The following ALX1 variants were observed in gnomAD, a reference collection of about 807,000 sequenced individuals.
The protein encoded by ALX1 is ALX homeobox protein 1.
A neutral mutation model predicts 31.7 loss-of-function variants in ALX1; 19 were observed. The ratio of observed to expected loss-of-function variants is 0.60; its 90% CI spans 0.42 to 0.88. ALX1 has a LOEUF of 0.88. ALX1 is among the 40% of genes least tolerant of loss of function. The pLI, the probability that ALX1 is intolerant of heterozygous loss-of-function variation, is 0.00. For synonymous variants in ALX1, 153 were observed against 148.8 expected (o/e 1.03, Z -0.20); for missense variants, 415 against 407.8 (o/e 1.02, Z -0.15).
chr12:85,289,068 T>C (rs1896784337), intron 3 of ALX1, among the ~76,000 whole-genome samples: 1 of 151,406 alleles, frequency 6.6e-6, no homozygotes, highest in South Asian at 2.1e-4. Flanking sequence ...TTTTTGTGCA[T>C]TTTATTCTTT....
intron 3 of ALX1, among the ~76,000 whole-genome samples, chr12:85,297,045 T>G (rs1337276403): frequency 6.6e-6 from 1 of 151,728 alleles, no homozygotes; most frequent in Non-Finnish European, 1.5e-5. Flanking sequence ...GCACATGGAT[T>G]TATACTTTCC....
rs192212930 is a variant in ALX1, at chr12:85,288,412, G to T, written c.660+1431G>T. On this transcript the variant is annotated intron_variant, in intron 3 of 3. Transcript: ENST00000316824. ...TTTAAAGCATGAGGCTACCTCTGGT[G>T]GTTACTTACCATCATAGGGCTAGTC... Among the ~76,000 whole-genome samples the T allele has an allele frequency of 2.6e-5, 4 of 151,606 alleles. No homozygotes were observed. In the East Asian group the frequency reaches 7.8e-4, roughly 29 times the overall value.
chr12:85,291,038 T>C (rs1179232738), intron 3 of ALX1, among the ~76,000 whole-genome samples: 1 of 151,230 alleles, frequency 6.6e-6, no homozygotes, highest in Non-Finnish European at 1.5e-5. Flanking sequence ...CACTTCAATA[T>C]ATTAATATAT....
At chr12:85,297,746 T>G (rs928165085) in intron 3 of ALX1, among the ~76,000 whole-genome samples, 1 of 151,636 alleles carries the variant, frequency 6.6e-6, no homozygotes, top group Non-Finnish European at 1.5e-5. Context: ...CCATACTAAA[T>G]GAATCAGAGT....
intron 3 of ALX1, among the ~76,000 whole-genome samples, chr12:85,298,039 C>G (rs1896912090): frequency 6.6e-6 from 1 of 151,616 alleles, no homozygotes; most frequent in Admixed American, 6.6e-5. Flanking sequence ...CACATTAGAC[C>G]TGAGGATGAC....
chr12:85,300,014 T>C (rs2137395171), intron 3 of ALX1, among the ~76,000 whole-genome samples: 1 of 152,134 alleles, frequency 6.6e-6, no homozygotes, highest in South Asian at 2.1e-4. Context: ...CATTCAGTTT[T>C]ATTTCATCTT....
chr12:85,281,951 T>G lies in ALX1; in HGVS notation c.226+1464T>G, dbSNP rs367762736. Among the ~76,000 whole-genome samples the G allele has an allele frequency of 4.6e-5, 7 of 152,208 alleles. No homozygotes were observed. The East Asian group carries it at 7.7e-4, about 17-fold the overall frequency. ...AATCCAAAATAAGAGACATAATTGA[T>G]GCGTTATCAACTTTTAAACAAATAT... On this transcript the variant is annotated intron_variant, in intron 1 of 3. Coordinates refer to ENST00000316824, the MANE Select transcript of ALX1 (RefSeq NM_006982.3).
intron 3 of ALX1, among the ~76,000 whole-genome samples, chr12:85,292,278 C>T (rs532829704): frequency 9.3e-5 from 14 of 151,056 alleles, no homozygotes; most frequent in African/African-American, 3.1e-4. Context: ...AAACCAAATA[C>T]GGTAACTTTA....
intron 3 of ALX1, among the ~76,000 whole-genome samples, chr12:85,289,006 T>C (rs1030736214): frequency 6.6e-6 from 1 of 151,464 alleles, no homozygotes; most frequent in Non-Finnish European, 1.5e-5. Flanking sequence ...GCTCTTCACA[T>C]GGATTTTAAA....
chr12:85,285,915 C>T (rs1896741044), intron 2 of ALX1, among the ~76,000 whole-genome samples: 1 of 151,912 alleles, frequency 6.6e-6, no homozygotes, highest in Admixed American at 6.6e-5. Context: ...TGGAATATTA[C>T]AGGTATGAAT....
At chr12:85,286,118 C>T (rs940685149) in intron 2 of ALX1, among the ~76,000 whole-genome samples, 4 of 151,858 alleles carry the variant, frequency 2.6e-5, no homozygotes, top group East Asian at 1.9e-4. Flanking sequence ...AGAGAAATTA[C>T]GTAAAGATAT....
chr12:85,280,656 G>A (rs1896657886), intron 1 of ALX1, among the ~76,000 whole-genome samples, 169 bp downstream of exon 1: 1 of 152,170 alleles, frequency 6.6e-6, no homozygotes, highest in Non-Finnish European at 1.5e-5. Flanking sequence ...TGTTACTGCT[G>A]CTGCAGCCTT....
At chr12:85,299,267 A>T (rs1459411419) in intron 3 of ALX1, among the ~76,000 whole-genome samples, 1 of 151,540 alleles carries the variant, frequency 6.6e-6, no homozygotes, top group Non-Finnish European at 1.5e-5. Flanking sequence ...ACGCAGATGA[A>T]GTTAGAAGAG....
intron 1 of ALX1, among the ~76,000 whole-genome samples, chr12:85,281,108 C>G (rs1349180181): frequency 6.6e-6 from 1 of 152,130 alleles, no homozygotes; most frequent in East Asian, 1.9e-4. Flanking sequence ...CAATACAACA[C>G]GCGTTGAATG....
At chr12:85,282,107 C>T (rs1433949480) in intron 1 of ALX1, among the ~76,000 whole-genome samples, 1 of 152,090 alleles carries the variant, frequency 6.6e-6, no homozygotes, top group African/African-American at 2.4e-5. Context: ...TCCCCTCCCC[C>T]ATCCCTAATT....
intron 1 of ALX1, among the ~76,000 whole-genome samples, chr12:85,281,963 T>A (rs1210114207): frequency 6.6e-6 from 1 of 152,218 alleles, no homozygotes; most frequent in African/African-American, 2.4e-5. Flanking sequence ...CGTTATCAAC[T>A]TTTAAACAAA....
chr12:85,295,750 T>C (rs1351341071), intron 3 of ALX1, among the ~76,000 whole-genome samples: 2 of 151,488 alleles, frequency 1.3e-5, no homozygotes, highest in African/African-American at 2.4e-5. Flanking sequence ...TGTATGTGTG[T>C]TTATGCAAGT....
intron 3 of ALX1, among the ~76,000 whole-genome samples, chr12:85,287,662 T>G (rs1257599631): frequency 6.6e-6 from 1 of 151,518 alleles, no homozygotes; most frequent in Non-Finnish European, 1.5e-5. Flanking sequence ...TTTTTCAATA[T>G]AAGACTATAT....
rs148136812 is a variant in ALX1, at chr12:85,280,386, G to A, written c.125G>A (p.Ser42Asn). The change falls in exon 1 of 4, where the codon AGC becomes AAC. Residue 42 changes from serine to asparagine, a missense_variant. Around this residue, in one of 3 missense-constraint regions of ALX1, gnomAD observed 235 missense variants for 208.9 expected, o/e 1.13. Transcript: ENST00000316824. ...ACGCTGGACAATGAGTCCTTTTACA[G>A]CAAAGCGTCTGCAGGCAAATGCGTG... ...METLDNESFY[S>N]KASAGKCVQA... 5 of 1,613,878 alleles carry A rather than the reference G, an allele frequency of 3.1e-6. No homozygotes were observed. The highest frequency in any genetic ancestry group is 2.2e-5 in the East Asian group (1 of 44,864).
Sources: allele counts gnomAD v4.1 joint callset (sites outside exome capture counted in the v4.1 genomes callset), GRCh38; gene constraint gnomAD v4.1.1; regional missense constraint gnomAD v4.1.1; transcripts MANE v1.5; gene names NCBI Gene and HGNC (gene_info 2026-07-23, HGNC 2026-07-21).